Variants in RUNX1T1 observed in about 807,000 individuals in gnomAD.
The protein encoded by RUNX1T1 is protein CBFA2T1.
Under a neutral mutation model 62.8 loss-of-function variants are expected in RUNX1T1, and 4 were observed. That is an observed-to-expected ratio of 0.06 (90% CI 0.03 to 0.15). The LOEUF is 0.15. Ranked by LOEUF, RUNX1T1 falls within the 10% of genes least tolerant of loss-of-function variation. The pLI, the probability that RUNX1T1 is intolerant of heterozygous loss-of-function variation, is 1.00. For synonymous variants in RUNX1T1, 291 were observed against 286.0 expected, an observed-to-expected ratio of 1.02 and a Z score of -0.18; for missense variants, 508 against 754.3, an observed-to-expected ratio of 0.67 and a Z score of 3.82.
At chr8:92,029,696 A>G (rs1383055280) in intron 1 of RUNX1T1, among the ~76,000 whole-genome samples, 1 of 152,170 alleles carries the variant, frequency 6.6e-6, no homozygotes, top group Admixed American at 6.5e-5. Context: ...CACCACTAGC[A>G]TACAAGCCAC....
At chr8:92,060,553 A>ATATATATATGTG in intron 1 of RUNX1T1, among the ~76,000 whole-genome samples, 6 of 63,944 alleles carry the variant, frequency 9.4e-5, no homozygotes, top group African/African-American at 3.5e-4. Context: ...ATATATATAT[A>ATATATATATGTG]TGTGTGTGTG....
exon 2 of RUNX1T1, chr8:92,017,311 C>A: frequency 2.5e-6 from 4 of 1,613,986 alleles, no homozygotes; most frequent in Non-Finnish European, 2.5e-6. Flanking sequence ...GCCTAGATTG[C>A]GTCTTCACAT....
intron 1 of RUNX1T1, among the ~76,000 whole-genome samples, chr8:92,061,438 CTCAG>C (rs1195155226): frequency 6.6e-6 from 1 of 152,124 alleles, no homozygotes; most frequent in African/African-American, 2.4e-5. Flanking sequence ...TTTCAAAGAC[CTCAG>C]TCATTGTCTT....
intron 1 of RUNX1T1, among the ~76,000 whole-genome samples, chr8:92,040,538 G>C (rs970650053): frequency 6.6e-6 from 1 of 152,036 alleles, no homozygotes; most frequent in East Asian, 1.9e-4. Context: ...AAGTTATCAA[G>C]TTTTAAAAAA....
chr8:92,014,347 G>A (rs890097272), intron 3 of RUNX1T1, among the ~76,000 whole-genome samples: 1 of 151,810 alleles, frequency 6.6e-6, no homozygotes, highest in Non-Finnish European at 1.5e-5. Flanking sequence ...CAATAAATTT[G>A]TATAACCATA....
At chr8:92,062,519 A>C in intron 1 of RUNX1T1, 1 of 1,611,298 alleles carries the variant, frequency 6.2e-7, no homozygotes, top group Non-Finnish European at 8.5e-7. Context: ...GGAAAAACAG[A>C]GAGAACACAG....
chr8:92,060,370 C>G (rs1379612755), intron 1 of RUNX1T1, among the ~76,000 whole-genome samples: 1 of 151,120 alleles, frequency 6.6e-6, no homozygotes, highest in Non-Finnish European at 1.5e-5. Context: ...TTTTTACTTA[C>G]CCACCCCCAA....
chr8:92,094,502 T>C (rs1477365575), intron 1 of RUNX1T1, among the ~76,000 whole-genome samples: 1 of 152,186 alleles, frequency 6.6e-6, no homozygotes, highest in African/African-American at 2.4e-5. Context: ...TTTTTTCTCC[T>C]CTAGGCTGAG....
chr8:91,986,398 C>A, intron 7 of RUNX1T1, 73 bp from the exon 9 acceptor site: 2 of 1,185,082 alleles, frequency 1.7e-6, no homozygotes, highest in East Asian at 4.7e-5. Context: ...AGTAGTGAAA[C>A]AAACCATTTC....
intron 10 of RUNX1T1, among the ~76,000 whole-genome samples, chr8:91,960,830 T>G (rs1276839388): frequency 6.6e-6 from 1 of 152,216 alleles, no homozygotes; most frequent in African/African-American, 2.4e-5. Flanking sequence ...CTCCCTTCAC[T>G]CATACTGACT....
At chr8:92,007,309 C>T (rs369215493) in intron 4 of RUNX1T1, among the ~76,000 whole-genome samples, 3 of 151,444 alleles carry the variant, frequency 2.0e-5, no homozygotes, top group East Asian at 3.9e-4. Flanking sequence ...CTACTAAAAA[C>T]ACAAACAATT....
intron 1 of RUNX1T1, among the ~76,000 whole-genome samples, chr8:92,089,976 T>A (rs1836735835): frequency 6.9e-6 from 1 of 144,456 alleles, no homozygotes; most frequent in East Asian, 2.1e-4. Flanking sequence ...CTCCTAACCC[T>A]GGGAAAGCCC....
intron 1 of RUNX1T1, among the ~76,000 whole-genome samples, chr8:92,093,500 T>C (rs1044767570): frequency 6.6e-6 from 1 of 152,254 alleles, no homozygotes; most frequent in Non-Finnish European, 1.5e-5. Flanking sequence ...TTATTGTCTA[T>C]GCATGCACTT....
In RUNX1T1 at chr8:92,085,774, A is replaced by AT. The variant is rs1191644406; in HGVS notation, c.-85-9638dup. 3.3e-4 allele frequency among the ~76,000 whole-genome samples: 51 copies of AT among 152,278 alleles called. 1 individual carries two copies. The highest frequency in any genetic ancestry group is 3.3e-3 in the Admixed American group (51 of 15,288). Reference sequence around the variant, plus strand: ...ATCCTAAAAGTCCTCACCCAGGTAGATTTTTTTGTTGTTTCTTCCAATAAC... The same window carrying AT: ...ATCCTAAAAGTCCTCACCCAGGTAGATTTTTTTTGTTGTTTCTTCCAATAAC... On this transcript the variant is annotated intron_variant, in intron 1 of 11. Coordinates refer to the RUNX1T1 transcript ENST00000265814.
chr8:92,086,820 C>T (rs1243751860), intron 1 of RUNX1T1, among the ~76,000 whole-genome samples: 1 of 152,184 alleles, frequency 6.6e-6, no homozygotes, highest in African/African-American at 2.4e-5. Flanking sequence ...ATACCTCCTG[C>T]CCCTGCCTCT....
chr8:92,072,867 G>T (rs1227495313), intron 2 of RUNX1T1, among the ~76,000 whole-genome samples: 3 of 152,002 alleles, frequency 2.0e-5, no homozygotes, highest in African/African-American at 7.3e-5. Context: ...ATATATAAAG[G>T]TGCACAGCAT....
At chr8:91,964,902 T>C (rs1360855922) in intron 10 of RUNX1T1, among the ~76,000 whole-genome samples, 1 of 152,202 alleles carries the variant, frequency 6.6e-6, no homozygotes, top group African/African-American at 2.4e-5. Context: ...CATCACTTTG[T>C]GGCTTTAGAA....
At chr8:91,995,920 T>C (rs534849135) in intron 5 of RUNX1T1, among the ~76,000 whole-genome samples, 1 of 152,364 alleles carries the variant, frequency 6.6e-6, no homozygotes, top group South Asian at 2.1e-4. Context: ...AGCATGTATG[T>C]TCAGAAGGGT....
intron 1 of RUNX1T1, among the ~76,000 whole-genome samples, chr8:92,041,748 C>CAAAA (rs984458946): frequency 1.3e-5 from 2 of 150,474 alleles, no homozygotes; most frequent in African/African-American, 2.4e-5. Flanking sequence ...TCCCAAATAA[C>CAAAA]AAAACAAAAC....
Sources: gnomAD v4.1 joint callset for allele counts (sites outside exome capture counted in the v4.1 genomes callset) on GRCh38, gnomAD v4.1.1 for gene constraint, MANE v1.5 for transcripts, NCBI Gene and HGNC (gene_info 2026-07-23, HGNC 2026-07-21) for gene names.